Variants in IGSF10 observed in about 807,000 individuals in gnomAD.
IGSF10 encodes immunoglobulin superfamily member 10, also known as calvaria mechanical force protein 608.
In IGSF10, 126 loss-of-function variants were observed where a neutral mutation model predicts 128.2. The observed-to-expected ratio is 0.98, with a 90% CI of 0.85 to 1.14. IGSF10 has a LOEUF of 1.14. IGSF10 is among the 50% of genes most tolerant of loss of function. IGSF10 has a pLI of 0.00. For missense variants in IGSF10, 3,295 were observed against 3,149.8 expected (o/e 1.05, Z -1.10); for synonymous variants, 1,185 against 1,146.2 (o/e 1.03, Z -0.68).
At chr3:151,551,755 T>C in the IGSF10 span, among the ~76,000 whole-genome samples, 2 of 152,058 alleles carry the variant, frequency 1.3e-5, no homozygotes, top group African/African-American at 4.8e-5. Flanking sequence ...TTTTAATTAA[T>C]TTAAGGCATT....
Position 151,448,176 on chromosome 3 carries a change from T to C in IGSF10, c.1805A>G (p.Asp602Gly), listed in dbSNP as rs755483362. The C allele has an allele frequency of 6.2e-7, 1 of 1,614,210 alleles. No individual in the cohort carries two copies. The highest frequency in any genetic ancestry group is 1.7e-5 in the Admixed American group (1 of 60,024). ...DLPCHSTGIP[D>G]ASISWVIPGN... ...TGGAATAACCCAGCTAATAGAGGCA[T>C]CTGGGATACCAGTAGAATGGCATGG... The change falls in exon 6 of 8, where the codon GAT becomes GGT. Residue 602 changes from aspartate (D) to glycine (G), a missense_variant. Coordinates refer to ENST00000282466, the MANE Select transcript of IGSF10 (RefSeq NM_178822.5).
intron 7 of IGSF10, among the ~76,000 whole-genome samples, chr3:151,439,284 T>C (rs924772490): frequency 1.3e-5 from 2 of 152,226 alleles, no homozygotes; most frequent in Non-Finnish European, 1.5e-5. Flanking sequence ...AAACAGTTAT[T>C]AGTAACAAAA....
At chr3:151,497,705 T>A in the IGSF10 span, among the ~76,000 whole-genome samples, 1 of 152,204 alleles carries the variant, frequency 6.6e-6, no homozygotes, top group Non-Finnish European at 1.5e-5. Context: ...TTTTTCCAAT[T>A]TTTTGAAGAA....
At chr3:151,602,231 T>C in the IGSF10 span, among the ~76,000 whole-genome samples, 1 of 152,206 alleles carries the variant, frequency 6.6e-6, no homozygotes, top group African/African-American at 2.4e-5. Context: ...TCGATATCAT[T>C]ACATATGGAG....
At chr3:151,555,193 A>G in the IGSF10 span, among the ~76,000 whole-genome samples, 1 of 152,290 alleles carries the variant, frequency 6.6e-6, no homozygotes, top group South Asian at 2.1e-4. Context: ...TGGTAACTGC[A>G]AAAACGAAAA....
rs765960330 is a variant in IGSF10, at chr3:151,446,806, G to A, written c.3175C>T (p.Leu1059Phe). Residue 1059 changes from leucine to phenylalanine, a missense_variant, in exon 6 of 8, where the codon CTC becomes TTC. By Grantham distance (22) the Leu-to-Phe change is conservative. Coordinates refer to ENST00000282466, the MANE Select transcript of IGSF10 (RefSeq NM_178822.5). Reference protein sequence around the residue: ...KSTTAFSATVLNVTCLSCLPR... With the variant: ...KSTTAFSATVFNVTCLSCLPR... ...AGACAGGACAGACATGTCACATTGA[G>A]CACTGTGGCTGAGAATGCAGTAGTG... The A allele has an allele frequency of 3.1e-6, 5 of 1,613,998 alleles. No homozygotes were observed. The highest frequency in any genetic ancestry group is 2.7e-5 in the African/African-American group (2 of 74,938).
At chr3:151,461,279 G>A, upstream of IGSF10, 12 of 985,282 alleles carry the variant, frequency 1.2e-5, no homozygotes, top group Non-Finnish European at 1.3e-5. Context: ...TTCAGTGGCC[G>A]CCCGTTCATT....
chr3:151,613,286 C>A, the IGSF10 span, among the ~76,000 whole-genome samples: 65 of 151,390 alleles, frequency 4.3e-4, no homozygotes, highest in African/African-American at 1.5e-3. Flanking sequence ...CCCCATCAAG[C>A]TACCAATGAC....
At position 151,448,635 on chromosome 3, in the gene IGSF10, T is replaced by A; in HGVS notation, c.1346A>T (p.Gln449Leu). Residue 449 changes from glutamine to leucine, a missense_variant, in exon 6 of 8, where the codon CAG becomes CTG. Physicochemically the swap from Gln to Leu is moderately radical, Grantham distance 113 (BLOSUM62 -2). Coordinates refer to ENST00000282466, the MANE Select transcript of IGSF10 (RefSeq NM_178822.5). ...TTGAGCATCACTGGAGTACTGGATC[T>A]GTAATGTACTGAATGTGGTGGCAGT... ...NRTATTFSTL[Q>L]IQYSSDAQIT... 1 of 1,614,098 alleles carries A rather than the reference T, an allele frequency of 6.2e-7. No homozygotes were observed. The highest frequency in any genetic ancestry group is 8.5e-7 in the Non-Finnish European group (1 of 1,180,036).
chr3:151,528,144 T>C, the IGSF10 span, among the ~76,000 whole-genome samples: 1 of 152,190 alleles, frequency 6.6e-6, no homozygotes, highest in Non-Finnish European at 1.5e-5. Flanking sequence ...AGATAGGACC[T>C]GGCATAAGAA....
the IGSF10 span, among the ~76,000 whole-genome samples, chr3:151,600,773 A>G: frequency 1.3e-5 from 2 of 152,260 alleles, no homozygotes; most frequent in South Asian, 4.1e-4. Flanking sequence ...TATAATAGTC[A>G]ACTTTCAAAT....
rs139695323 is a variant in IGSF10, at chr3:151,437,187, T to C, written c.7374A>G (p.Gly2458=). The C allele has an allele frequency of 1.6e-4, 253 of 1,614,230 alleles. No individual in the cohort carries two copies. The African/African-American group carries it at 3.1e-3, about 19-fold the overall frequency. The change falls in exon 8 of 8, where the codon GGA becomes GGG. Residue 2458 remains glycine, a synonymous_variant. Coordinates refer to ENST00000282466, the MANE Select transcript of IGSF10 (RefSeq NM_178822.5). ...ESLSLHCVSD[G]IPKPNIKWTM... ...TCCATTTGATATTTGGCTTAGGGATTCCATCAGACACACAATGCAGTGATA... is the reference window on the plus strand; with the variant it reads ...TCCATTTGATATTTGGCTTAGGGATCCCATCAGACACACAATGCAGTGATA...
chr3:151,605,804 C>G, the IGSF10 span, among the ~76,000 whole-genome samples: 26 of 152,156 alleles, frequency 1.7e-4, no homozygotes, highest in Non-Finnish European at 3.1e-4. Context: ...CAGCTTATTC[C>G]AAGTCAAAGC....
chr3:151,591,445 A>G, the IGSF10 span, among the ~76,000 whole-genome samples: 5 of 147,252 alleles, frequency 3.4e-5, no homozygotes, highest in African/African-American at 1.2e-4. Flanking sequence ...ATAAATATAT[A>G]TATTATATAT....
the IGSF10 span, among the ~76,000 whole-genome samples, chr3:151,601,412 A>G: frequency 1.3e-5 from 2 of 152,238 alleles, no homozygotes; most frequent in African/African-American, 2.4e-5. Context: ...TGGAATTTGG[A>G]ATTAAAAATA....
At chr3:151,477,881 T>C in the IGSF10 span, among the ~76,000 whole-genome samples, 7 of 152,154 alleles carry the variant, frequency 4.6e-5, no homozygotes, top group African/African-American at 1.4e-4. Context: ...AGATAATATG[T>C]AAACAAGTGA....
the IGSF10 span, among the ~76,000 whole-genome samples, chr3:151,591,689 A>G: frequency 6.6e-6 from 1 of 152,066 alleles, no homozygotes; most frequent in Non-Finnish European, 1.5e-5. Context: ...GGTTGGAGAG[A>G]TAATATTTAG....
the IGSF10 span, among the ~76,000 whole-genome samples, chr3:151,480,317 G>C: frequency 1.3e-5 from 2 of 152,216 alleles, no homozygotes; most frequent in African/African-American, 2.4e-5. Flanking sequence ...TTCCCAGTTG[G>C]GATCAGCTTG....
chr3:151,619,470 G>A, the IGSF10 span, among the ~76,000 whole-genome samples: 1 of 143,748 alleles, frequency 7.0e-6, no homozygotes, highest in Non-Finnish European at 1.5e-5. Context: ...GTGTGTGTGT[G>A]TGTATGTAGT....
Sources: allele counts gnomAD v4.1 joint callset (sites outside exome capture counted in the v4.1 genomes callset), GRCh38; gene constraint gnomAD v4.1.1; transcripts MANE v1.5; gene names NCBI Gene and HGNC (gene_info 2026-07-23, HGNC 2026-07-21).